Variants in C19orf47 observed in about 807,000 individuals in gnomAD.
The protein encoded by C19orf47 is chromosome 19 open reading frame 47.
A neutral mutation model predicts 32.3 loss-of-function variants in C19orf47; 18 were observed. The ratio of observed to expected loss-of-function variants is 0.56; its 90% CI spans 0.39 to 0.83. The LOEUF is 0.83. Among genes scored for constraint, C19orf47 ranks in the 40% least tolerant of loss-of-function variants. C19orf47 has a pLI of 0.00. For synonymous variants in C19orf47, 202 were observed against 211.1 expected (o/e 0.96, Z 0.37); for missense variants, 484 against 531.6 (o/e 0.91, Z 0.88).
Position 40,346,532 on chromosome 19 carries a change from C to CT in C19orf47, c.-34+1791dup, listed in dbSNP as rs1193289452. ...ATCTTAAAAAAAAAAAAAGAGGACC[C>CT]TTTTTTTTTTTTGAGATGAAGTCCC... is the stretch of plus-strand genomic sequence containing the variant. On this transcript the variant is annotated intron_variant, in intron 1 of 8. Transcript: ENST00000683109. Among the ~76,000 whole-genome samples the CT allele has an allele frequency of 2.2e-3, 301 of 138,272 alleles. 5 individuals carry two copies. Among genetic ancestry groups the CT allele is most frequent in the Admixed American group, 0.013 (175 of 13,692 alleles). 90.7% of individuals were successfully genotyped at this position (138,272 alleles called of 152,430 possible).
At chr19:40,323,259 A>G (rs1443891749) in intron 8 of C19orf47, among the ~76,000 whole-genome samples, 1 of 152,224 alleles carries the variant, frequency 6.6e-6, no homozygotes, top group Non-Finnish European at 1.5e-5. Flanking sequence ...GCAATAGTTC[A>G]CCAACAGGCG....
At chr19:40,305,400 A>G in the C19orf47 span, among the ~76,000 whole-genome samples, 25 of 152,154 alleles carry the variant, frequency 1.6e-4, no homozygotes, top group Middle Eastern at 3.4e-3. Flanking sequence ...AGCCTCCCAC[A>G]TTACTAAGAA....
At chr19:40,340,323 G>A (rs2078151328) in intron 2 of C19orf47, among the ~76,000 whole-genome samples, 1 of 152,020 alleles carries the variant, frequency 6.6e-6, no homozygotes, top group Admixed American at 6.6e-5. Flanking sequence ...CCTTCCCAGA[G>A]GCAACCACCA....
chr19:40,293,984 G>A, the C19orf47 span, among the ~76,000 whole-genome samples: 3 of 152,044 alleles, frequency 2.0e-5, no homozygotes, highest in African/African-American at 7.2e-5. Flanking sequence ...GCAAAGCATG[G>A]TGGCACATGC....
intron 2 of C19orf47, among the ~76,000 whole-genome samples, chr19:40,339,750 T>A (rs2078138386): frequency 6.6e-6 from 1 of 151,840 alleles, no homozygotes; most frequent in African/African-American, 2.4e-5. Flanking sequence ...GATGGACGGA[T>A]CACCTGAGGT....
the C19orf47 span, among the ~76,000 whole-genome samples, chr19:40,308,300 C>T: frequency 2.0e-5 from 3 of 151,680 alleles, 1 homozygote; most frequent in South Asian, 4.2e-4. Context: ...GGATTACAGG[C>T]GCGTGTCACC....
At chr19:40,344,372 G>A (rs963667378) in intron 1 of C19orf47, among the ~76,000 whole-genome samples, 3 of 151,764 alleles carry the variant, frequency 2.0e-5, no homozygotes, top group Admixed American at 6.6e-5. Context: ...CCAGCTACTC[G>A]GCAGGCTGAG....
chr19:40,316,009 A>AAG (rs201817186), downstream of C19orf47, among the ~76,000 whole-genome samples: 196 of 151,264 alleles, frequency 1.3e-3, no homozygotes, highest in African/African-American at 3.5e-3. Context: ...CAAAAAAAAA[A>AAG]AGAGAGAGAG....
At chr19:40,306,935 G>A in the C19orf47 span, among the ~76,000 whole-genome samples, 4 of 151,140 alleles carry the variant, frequency 2.6e-5, no homozygotes, top group Non-Finnish European at 4.4e-5. Context: ...GACTACAGGC[G>A]CCCGCCACCT....
chr19:40,335,367 A>G (rs2078041483), intron 4 of C19orf47, among the ~76,000 whole-genome samples: 2 of 152,222 alleles, frequency 1.3e-5, no homozygotes, highest in Non-Finnish European at 1.5e-5. Flanking sequence ...TATCACAAGG[A>G]AAATGTGAAG....
the C19orf47 span, among the ~76,000 whole-genome samples, chr19:40,305,364 T>C: frequency 6.6e-6 from 1 of 151,114 alleles, no homozygotes; most frequent in Non-Finnish European, 1.5e-5. Context: ...AAAGGTAGAT[T>C]TGAAATAGAA....
At chr19:40,327,873 G>A (rs771467794) in intron 6 of C19orf47, among the ~76,000 whole-genome samples, 14 of 152,302 alleles carry the variant, frequency 9.2e-5, no homozygotes, top group East Asian at 5.8e-4. Flanking sequence ...AAAGTGGGGC[G>A]ATGCAAGAGA....
intron 6 of C19orf47, among the ~76,000 whole-genome samples, chr19:40,327,275 A>G (rs2077852163): frequency 6.6e-6 from 1 of 151,298 alleles, no homozygotes; most frequent in Admixed American, 6.6e-5. Context: ...CGGCCTCCCA[A>G]AGTTCTGGGA....
At chr19:40,310,629 C>T in the C19orf47 span, among the ~76,000 whole-genome samples, 1 of 152,184 alleles carries the variant, frequency 6.6e-6, no homozygotes, top group South Asian at 2.1e-4. Flanking sequence ...AATTATATCT[C>T]AGTAGAGCTG....
the C19orf47 span, among the ~76,000 whole-genome samples, chr19:40,302,544 G>C: frequency 6.6e-6 from 1 of 152,048 alleles, no homozygotes; most frequent in East Asian, 1.9e-4. Context: ...CTTCTGCCTC[G>C]ACTCCCAAAG....
chr19:40,347,070 A>C (rs1568633278), intron 1 of C19orf47, among the ~76,000 whole-genome samples: 1 of 152,188 alleles, frequency 6.6e-6, no homozygotes, highest in Non-Finnish European at 1.5e-5. Context: ...ACAGGGAATC[A>C]CACAGTACAG....
chr19:40,324,308 C>G, intron 7 of C19orf47: 1 of 583,472 alleles, frequency 1.7e-6, no homozygotes, highest in East Asian at 2.8e-5. Context: ...ATTCCCTACA[C>G]CTCAGCACTA....
At chr19:40,313,482 G>A in the C19orf47 span, among the ~76,000 whole-genome samples, 4 of 151,894 alleles carry the variant, frequency 2.6e-5, no homozygotes, top group South Asian at 2.1e-4. Context: ...GCGCCACCAC[G>A]CCGAGCTAAT....
chr19:40,305,004 G>A, the C19orf47 span, among the ~76,000 whole-genome samples: 1 of 151,962 alleles, frequency 6.6e-6, no homozygotes, highest in African/African-American at 2.4e-5. Context: ...TGAGGTGGGC[G>A]GATCACTTGA....
Sources: allele counts gnomAD v4.1 joint callset (sites outside exome capture counted in the v4.1 genomes callset), GRCh38; gene constraint gnomAD v4.1.1; transcripts MANE v1.5; gene names NCBI Gene and HGNC (gene_info 2026-07-23, HGNC 2026-07-21).